XPO7: variants seen among roughly 807,000 people sequenced by gnomAD.
XPO7 encodes the protein exportin 7.
In XPO7, 21 loss-of-function variants were observed where a neutral mutation model predicts 144.3. The observed-to-expected ratio is 0.15, with a 90% CI of 0.10 to 0.21. The LOEUF is 0.21. XPO7 is among the 10% of genes least tolerant of loss of function. XPO7 has a pLI of 1.00. For missense variants in XPO7, 808 were observed against 1,325.8 expected, an observed-to-expected ratio of 0.61 and a Z score of 6.06; for synonymous variants, 580 against 499.6, an observed-to-expected ratio of 1.16 and a Z score of -2.15.
chr8:21,982,583 G>C, intron 10 of XPO7, 57 bp from the exon 11 acceptor site: 1 of 1,489,988 alleles, frequency 6.7e-7, no homozygotes, highest in Non-Finnish European at 8.9e-7. Flanking sequence ...TCAGTGGCAT[G>C]GGACTAACAC....
intron 1 of XPO7, among the ~76,000 whole-genome samples, chr8:21,961,862 C>T (rs1317430134): frequency 6.6e-6 from 1 of 152,162 alleles, no homozygotes; most frequent in Admixed American, 6.5e-5. Context: ...GGGGTTTCAT[C>T]ACGTCGGCCA....
intron 1 of XPO7, among the ~76,000 whole-genome samples, chr8:21,960,603 A>G (rs999676504): frequency 1.3e-5 from 2 of 152,236 alleles, no homozygotes; most frequent in African/African-American, 2.4e-5. Flanking sequence ...GCAGTCTCAT[A>G]TGGTAGTGGA....
At chr8:21,967,330 GTTTA>G (rs976201943) in intron 2 of XPO7, among the ~76,000 whole-genome samples, 3 of 152,008 alleles carry the variant, frequency 2.0e-5, no homozygotes, top group Admixed American at 6.6e-5. Flanking sequence ...CTTTGTGTTT[GTTTA>G]TTTATTTATT....
At chr8:21,964,232 C>T (rs1811813460) in intron 1 of XPO7, 1 of 152,052 alleles carries the variant, frequency 6.6e-6, no homozygotes. Context: ...TTTTCTCTGA[C>T]CAAAGTGGCA....
intron 1 of XPO7, among the ~76,000 whole-genome samples, chr8:21,956,713 CT>C (rs1268768512): frequency 1.3e-5 from 2 of 150,708 alleles, no homozygotes; most frequent in African/African-American, 4.9e-5. Context: ...TCTAACATCT[CT>C]TTTTATGTTC....
In XPO7 at chr8:21,999,639, T is replaced by G. The variant is rs185936961; in HGVS notation, c.2747T>G (p.Ile916Ser). ...CTGGAACCTCACGTCATCATGTATA[T>G]TCTCTCTTCCATTTCTGAAGGACTT... The part of the protein sequence containing the change: ...ASLEPHVIMY[I>S]LSSISEGLTA... Residue 916 changes from isoleucine (I) to serine (S), a missense_variant, in exon 24 of 28, where the codon ATT (isoleucine) becomes AGT (serine). Coordinates refer to ENST00000252512, the MANE Select transcript of XPO7 (RefSeq NM_015024.5). The G allele has an allele frequency of 7.9e-5, 127 of 1,614,034 alleles. 1 individual carries two copies. The East Asian group carries it at 2.8e-3, about 36-fold the overall frequency.
chr8:21,982,547 A>G lies in XPO7; in HGVS notation c.1105-93A>G. ...AAAGTCTATCCTCTTTTTTTAAAAAAAAGAAAAAAGTCTTTATCTTCTGTG... is the reference window on the plus strand; with the variant it reads ...AAAGTCTATCCTCTTTTTTTAAAAAGAAGAAAAAAGTCTTTATCTTCTGTG... On this transcript the variant is annotated intron_variant, in intron 10 of 27. Transcript: ENST00000252512. 3 of 1,427,884 alleles carry G rather than the reference A, an allele frequency of 2.1e-6. No homozygotes were observed. In the South Asian group the frequency reaches 4.6e-5, roughly 22 times the overall value. The allele number at this position is 1,427,884 out of a possible 1,614,324, so 88.5% of individuals were successfully genotyped here.
rs1813335956 is a variant in XPO7, at chr8:22,006,496, G to GTGA, written c.*1410_*1412dup. The GTGA allele has an allele frequency of 6.6e-6, 1 of 151,988 alleles. No individual in the cohort carries two copies. The highest frequency in any genetic ancestry group is 1.5e-5 in the Non-Finnish European group (1 of 68,020). The allele number at this position is 151,988 out of a possible 1,614,324, so 9.4% of individuals were successfully genotyped here. On this transcript the variant is annotated 3_prime_UTR_variant, in exon 28 of 28. Transcript: ENST00000252512. ...GACTGTGTGATGAATCCTTTCTTGC[G>GTGA]TGATCAGGTTGCGGATAGACTTGTA...
In XPO7 at chr8:22,003,361, A is replaced by T. The variant is rs372839736; in HGVS notation, c.3042+44A>T. 4.1e-5 allele frequency: 61 copies of T among 1,486,306 alleles called. No individual in the cohort carries two copies. In the African/African-American group the frequency reaches 7.9e-4, roughly 19 times the overall value. The allele number at this position is 1,486,306 out of a possible 1,614,324, so 92.1% of individuals were successfully genotyped here. ...TGGTGCCAACCCAGAAGCAGTGGCA[A>T]CCACGCACTTGGTATCACCAAGCCC... On this transcript the variant is annotated intron_variant, in intron 26 of 27. Transcript: ENST00000252512.
intron 16 of XPO7, among the ~76,000 whole-genome samples, chr8:21,989,895 G>A (rs1229045396): frequency 8.3e-6 from 1 of 121,050 alleles, no homozygotes; most frequent in Non-Finnish European, 1.6e-5. Flanking sequence ...TGTTGCCCAG[G>A]CTGGAGTGCA....
chr8:21,937,181 C>T (rs1378517198), intron 1 of XPO7, among the ~76,000 whole-genome samples: 2 of 152,114 alleles, frequency 1.3e-5, no homozygotes, highest in African/African-American at 4.8e-5. Flanking sequence ...TTTATATAAT[C>T]AATGGTAGAT....
intron 2 of XPO7, among the ~76,000 whole-genome samples, chr8:21,967,729 C>T (rs757334707): frequency 3.3e-5 from 5 of 152,162 alleles, no homozygotes; most frequent in Non-Finnish European, 7.3e-5. Flanking sequence ...TATTGCCTTA[C>T]AAATCCAGGA....
intron 1 of XPO7, among the ~76,000 whole-genome samples, chr8:21,929,264 A>G (rs1221294729): frequency 6.6e-6 from 1 of 152,250 alleles, no homozygotes; most frequent in Non-Finnish European, 1.5e-5. Flanking sequence ...GCAAAGTGGA[A>G]CATAGGTTAT....
chr8:21,973,264 T>G (rs1188343015), intron 5 of XPO7, among the ~76,000 whole-genome samples: 1 of 152,196 alleles, frequency 6.6e-6, no homozygotes, highest in East Asian at 1.9e-4. Context: ...TTTTCCCCTT[T>G]GAAGCTTGGC....
At chr8:21,963,772 G>C (rs1297085229) in intron 1 of XPO7, among the ~76,000 whole-genome samples, 1 of 151,938 alleles carries the variant, frequency 6.6e-6, no homozygotes, top group Non-Finnish European at 1.5e-5. Flanking sequence ...GAGGTATTCT[G>C]CTTTGTGGAG....
In XPO7 at chr8:21,990,235, T is replaced by A. The variant is rs564747217; in HGVS notation, c.1869-109T>A. 1.1e-5 allele frequency: 12 copies of A among 1,133,844 alleles called. No homozygotes were observed. The East Asian group carries it at 1.7e-4, about 16-fold the overall frequency. The allele number at this position is 1,133,844 out of a possible 1,614,324, so 70.2% of individuals were successfully genotyped here. On this transcript the variant is annotated intron_variant, in intron 16 of 27. Transcript: ENST00000252512. ...GGCAGTGGTATACTCAAGTATTTTT[T>A]AAAAAATAAGATATTTGGGTGAACT...
intron 11 of XPO7, 131 bp from the exon 12 acceptor site, chr8:21,984,515 A>G (rs1313292608): frequency 1.9e-5 from 16 of 836,576 alleles, no homozygotes; most frequent in Non-Finnish European, 2.9e-5. Flanking sequence ...TCCTTGGTTA[A>G]AAGTAATGTC....
intron 1 of XPO7, among the ~76,000 whole-genome samples, chr8:21,936,158 G>A (rs188615480): frequency 1.3e-5 from 2 of 152,066 alleles, no homozygotes; most frequent in Admixed American, 1.3e-4. Flanking sequence ...AAATTGCCTG[G>A]GACCACTCTT....
intron 21 of XPO7, among the ~76,000 whole-genome samples, chr8:21,997,192 T>C (rs1378717320): frequency 6.6e-6 from 1 of 152,212 alleles, no homozygotes; most frequent in Non-Finnish European, 1.5e-5. Flanking sequence ...ATTCAAGAGT[T>C]ACTCATTTAT....
Sources: allele counts gnomAD v4.1 joint callset (sites outside exome capture counted in the v4.1 genomes callset), GRCh38; gene constraint gnomAD v4.1.1; transcripts MANE v1.5; gene names NCBI Gene and HGNC (gene_info 2026-07-23, HGNC 2026-07-21).